WIPF3: variants seen among roughly 807,000 people sequenced by gnomAD.
The protein encoded by WIPF3 is WAS/WASL interacting protein family member 3, also known as WAS/WASL-interacting protein family member 3.
Under a neutral mutation model 38.9 loss-of-function variants are expected in WIPF3, and 33 were observed. The ratio of observed to expected loss-of-function variants is 0.85; its 90% CI spans 0.64 to 1.14. The LOEUF (loss-of-function observed/expected upper bound fraction) is 1.14, where lower values mean the gene tolerates loss of function less well. WIPF3 is among the 50% of genes most tolerant of loss of function. WIPF3 has a pLI of 0.00. For missense variants in WIPF3, 711 were observed against 652.5 expected (o/e 1.09, Z -0.98); for synonymous variants, 324 against 269.3 (o/e 1.20, Z -1.99).
At chr7:29,886,813 G>T (rs1212845154) in intron 5 of WIPF3, among the ~76,000 whole-genome samples, 5 of 152,076 alleles carry the variant, frequency 3.3e-5, no homozygotes, top group African/African-American at 1.2e-4. Context: ...TTTCACATAG[G>T]ATTATTAGGA....
chr7:29,902,028 A>C (rs891227683), intron 7 of WIPF3, among the ~76,000 whole-genome samples: 9 of 151,918 alleles, frequency 5.9e-5, no homozygotes, highest in African/African-American at 2.2e-4. Flanking sequence ...GGGGTGTGCA[A>C]CTGGCATCTA....
intron 7 of WIPF3, among the ~76,000 whole-genome samples, chr7:29,902,776 G>C (rs1786313500): frequency 6.6e-6 from 1 of 151,746 alleles, no homozygotes; most frequent in African/African-American, 2.4e-5. Flanking sequence ...GGGAGGCGGA[G>C]GTTGCAGTGA....
At chr7:29,810,121 C>T (rs1341371735) in intron 1 of WIPF3, among the ~76,000 whole-genome samples, 1 of 152,186 alleles carries the variant, frequency 6.6e-6, no homozygotes, top group African/African-American at 2.4e-5. Flanking sequence ...GCTAGCCCTG[C>T]CCGGGGCTAG....
intron 2 of WIPF3, among the ~76,000 whole-genome samples, chr7:29,837,054 T>C (rs540047113): frequency 8.0e-5 from 12 of 149,558 alleles, no homozygotes; most frequent in South Asian, 2.1e-4. Context: ...AAATGATGGA[T>C]TGGAAACAAC....
intron 5 of WIPF3, among the ~76,000 whole-genome samples, chr7:29,887,499 C>A (rs1009335114): frequency 4.6e-5 from 7 of 152,172 alleles, no homozygotes; most frequent in African/African-American, 1.7e-4. Flanking sequence ...AGGTTGGATT[C>A]AAGTTAGGCC....
At chr7:29,848,810 A>C (rs1785044445) in intron 2 of WIPF3, among the ~76,000 whole-genome samples, 1 of 152,118 alleles carries the variant, frequency 6.6e-6, no homozygotes, top group African/African-American at 2.4e-5. Flanking sequence ...GAAAGACATA[A>C]CAAGATGGGC....
At chr7:29,879,254 T>TA (rs1277597923) in intron 4 of WIPF3, 114 bp downstream of exon 4, 7 of 1,320,382 alleles carry the variant, frequency 5.3e-6, no homozygotes, top group Non-Finnish European at 7.3e-6. Context: ...ACGGGCATGA[T>TA]AGAGTAGAAG....
chr7:29,858,717 A>T (rs555092802), intron 2 of WIPF3, among the ~76,000 whole-genome samples: 1 of 152,292 alleles, frequency 6.6e-6, no homozygotes, highest in Admixed American at 6.5e-5. Context: ...AATTGCTGGC[A>T]TTCACTTAAA....
chr7:29,890,482 C>T (rs1785982905), intron 7 of WIPF3, among the ~76,000 whole-genome samples: 1 of 152,138 alleles, frequency 6.6e-6, no homozygotes. Context: ...GTGTCAAATG[C>T]GTTCCCACCC....
At chr7:29,862,750 A>G (rs762894702) in intron 2 of WIPF3, among the ~76,000 whole-genome samples, 6 of 152,216 alleles carry the variant, frequency 3.9e-5, no homozygotes, top group African/African-American at 7.2e-5. Flanking sequence ...TCACACTGAG[A>G]CATCATCTGT....
chr7:29,843,750 T>C (rs1388131789), intron 2 of WIPF3, among the ~76,000 whole-genome samples: 1 of 152,188 alleles, frequency 6.6e-6, no homozygotes, highest in African/African-American at 2.4e-5. Flanking sequence ...TGGAGCCACT[T>C]ACTTCTTTCC....
At position 29,884,437 on chromosome 7, in the gene WIPF3, G is replaced by T. The variant is rs1451746421; in HGVS notation, c.943G>T (p.Gly315Ter). ...RASLPAPPLP[G>*]VNSSSETPPP... ...TTCTTTGCCCGCGCCCCCTTTGCCA[G>T]GAGTTAATAGCAGCAGTGAAACTCC... The change falls in exon 5 of 9, where the codon GGA becomes TGA. Residue 315 changes from glycine to a stop codon, truncating the protein, a stop_gained. Transcript: ENST00000242140. LOFTEE classifies it high-confidence loss of function. The T allele has an allele frequency of 6.6e-7, 1 of 1,504,092 alleles. No homozygotes were observed. Among genetic ancestry groups the T allele is most frequent in the Non-Finnish European group, 8.8e-7 (1 of 1,131,324 alleles). 93.2% of individuals were successfully genotyped at this position (1,504,092 alleles called of 1,614,324 possible). A position where few individuals can be genotyped will look rare whatever the true frequency, so the allele number is the denominator to read the frequency against.
intron 7 of WIPF3, among the ~76,000 whole-genome samples, chr7:29,891,144 C>A (rs147907573): frequency 0.16 from 4,480 of 27,998 alleles, 407 homozygotes; most frequent in Middle Eastern, 0.24. Context: ...GGAGGGGGCG[C>A]GGGCCTGCCC....
chr7:29,884,551 G>T lies in WIPF3; in HGVS notation c.1057G>T (p.Gly353Cys). ...QALPAPPAPP[G>C]SQPFLQKKRH... ...CTTGCCCGCCCCGCCTGCCCCTCCG[G>T]GCTCCCAGCCGTTCCTGCAGAAGAA... Residue 353 changes from glycine (G) to cysteine (C), a missense_variant, in exon 5 of 9, where the codon GGC (glycine) becomes TGC (cysteine). Transcript: ENST00000242140. 6.2e-7 allele frequency: 1 copy of T among 1,602,102 alleles called. No homozygotes were observed. Among genetic ancestry groups the T allele is most frequent in the East Asian group, 2.3e-5 (1 of 44,430 alleles).
At chr7:29,907,016 AC>A (rs1335714756) in intron 8 of WIPF3, among the ~76,000 whole-genome samples, 8 of 152,240 alleles carry the variant, frequency 5.3e-5, no homozygotes, top group African/African-American at 1.9e-4. Context: ...CTGCAAGAAT[AC>A]CCAAGGGAGT....
At chr7:29,893,387 T>A (rs1786067742) in intron 7 of WIPF3, among the ~76,000 whole-genome samples, 1 of 152,080 alleles carries the variant, frequency 6.6e-6, no homozygotes. Flanking sequence ...GGCAAGGACT[T>A]GATTTGCTGG....
intron 1 of WIPF3, among the ~76,000 whole-genome samples, chr7:29,809,984 G>A (rs1583586001): frequency 6.6e-6 from 1 of 152,274 alleles, no homozygotes; most frequent in East Asian, 1.9e-4. Context: ...CTCTTGGTTA[G>A]CTAGGAGGAG....
chr7:29,875,688 C>A, intron 2 of WIPF3, 142 bp from the exon 3 acceptor site: 1 of 1,113,836 alleles, frequency 9.0e-7, no homozygotes, highest in Non-Finnish European at 1.3e-6. Flanking sequence ...CCAAAAGTGT[C>A]TCTCCCATAG....
chr7:29,887,210 G>C (rs1270673954), intron 5 of WIPF3, among the ~76,000 whole-genome samples: 1 of 152,210 alleles, frequency 6.6e-6, no homozygotes, highest in Non-Finnish European at 1.5e-5. Context: ...GTTTGTCCAT[G>C]TTCAAAATAA....
Sources: gnomAD v4.1 joint callset for allele counts (sites outside exome capture counted in the v4.1 genomes callset) on GRCh38, gnomAD v4.1.1 for gene constraint, MANE v1.5 for transcripts, NCBI Gene and HGNC (gene_info 2026-07-23, HGNC 2026-07-21) for gene names.